Variants in ZFHX2 observed in about 807,000 individuals in gnomAD.
The protein encoded by ZFHX2 is zinc finger homeobox 2, also known as zinc finger homeobox protein 2.
A neutral mutation model predicts 164.8 loss-of-function variants in ZFHX2; 75 were observed. The observed-to-expected ratio is 0.46, with a 90% CI of 0.38 to 0.55. The LOEUF (loss-of-function observed/expected upper bound fraction) is 0.55. Among genes scored for constraint, ZFHX2 ranks in the 20% least tolerant of loss-of-function variants. The pLI is 0.00. For missense variants in ZFHX2, 2,933 were observed against 3,308.0 expected (o/e 0.89, Z 2.78); for synonymous variants, 1,217 against 1,351.4 (o/e 0.90, Z 2.18).
chr14:23,526,660 T>C lies in ZFHX2; in HGVS notation c.3282A>G (p.Pro1094=). 1 of 1,535,962 alleles carries C rather than the reference T, an allele frequency of 6.5e-7. No homozygotes were observed. The change falls in exon 9 of 10, where the codon CCA becomes CCG. Residue 1094 remains proline, a synonymous_variant. Transcript: ENST00000419474. ...DQAAEGPNLT[P]EASPDPLPEP... ...CAGGAAGAGGATCTGGACTGGCTTCTGGGGTCAGGTTAGGGCCTTCTAGGG... is the reference window on the plus strand; with the variant it reads ...CAGGAAGAGGATCTGGACTGGCTTCCGGGGTCAGGTTAGGGCCTTCTAGGG...
At position 23,523,146 on chromosome 14, in the gene ZFHX2, A is replaced by G. The variant is rs761021573; in HGVS notation, c.6739+57T>C. 19 of 1,405,050 alleles carry G rather than the reference A, an allele frequency of 1.4e-5. No homozygotes were observed. Among genetic ancestry groups the G allele is most frequent in the African/African-American group, 2.9e-5 (2 of 69,130 alleles). The allele number at this position is 1,405,050 out of a possible 1,614,324, so 87.0% of individuals were successfully genotyped here. A position where few individuals can be genotyped will look rare whatever the true frequency, so the allele number is the denominator to read the frequency against. On this transcript the variant is annotated intron_variant, in intron 9 of 9. Transcript: ENST00000419474. This position sits in a 1 kb window ranked among gnomAD's most constrained non-coding sequence, Gnocchi z 4.1. ...AGAATCAGGAAGGAAAAGGAAGGGC[A>G]TGTCATTAGAGGGGGATGTTCTCTG...
intron 1 of ZFHX2, among the ~76,000 whole-genome samples, chr14:23,539,362 C>T (rs1880540253): frequency 6.6e-6 from 1 of 152,138 alleles, no homozygotes; most frequent in African/African-American, 2.4e-5. Context: ...AATTACTGAG[C>T]TGCAAATGTT....
In ZFHX2 at chr14:23,546,877, G is replaced by A. The variant is rs1881445943; in HGVS notation, c.-50+4466C>T. 6.6e-6 allele frequency among the ~76,000 whole-genome samples: 1 copy of A among 151,990 alleles called. No homozygotes were observed. Among genetic ancestry groups the A allele is most frequent in the African/African-American group, 2.4e-5 (1 of 41,362 alleles). ...CCACTGTCCTTCCTTCAGGCCCCCC[G>A]CCCACCAGCCCCTTCTTTAGCTGCC... On this transcript the variant is annotated intron_variant, in intron 1 of 9. Transcript: ENST00000419474. This position sits in a 1 kb window ranked among gnomAD's most constrained non-coding sequence, Gnocchi z 4.7.
intron 1 of ZFHX2, among the ~76,000 whole-genome samples, chr14:23,541,557 G>A (rs1021935847): frequency 9.2e-5 from 14 of 152,146 alleles, no homozygotes; most frequent in African/African-American, 3.4e-4. Context: ...AAAGTGCTGG[G>A]ATTACAGGCC....
upstream of ZFHX2, among the ~76,000 whole-genome samples, chr14:23,554,879 G>A (rs1254155550): frequency 2.0e-5 from 3 of 152,312 alleles, no homozygotes; most frequent in Middle Eastern, 3.4e-3. Flanking sequence ...CAGACATATA[G>A]TTAGAGTCTC....
In ZFHX2 at chr14:23,524,864, T is replaced by C. The variant is rs1210651830; in HGVS notation, c.5078A>G (p.Tyr1693Cys). 5.2e-6 allele frequency: 8 copies of C among 1,536,522 alleles called. No individual in the cohort carries two copies. Among genetic ancestry groups the C allele is most frequent in the African/African-American group, 1.4e-5 (1 of 73,036 alleles). ...CTCCTCTTCAAGGGTCTGGTCATCA[T>C]AGCACTTCTTGAGGTGGCGCACCAA... Reference protein sequence around the residue: ...FELVRHLKKCYDDQTLEEEEE... With the variant: ...FELVRHLKKCCDDQTLEEEEE... Residue 1693 changes from tyrosine to cysteine, a missense_variant, in exon 9 of 10, where the codon TAT becomes TGT. Tyr to Cys is a radical substitution (Grantham distance 194). Transcript: ENST00000419474. The surrounding 1 kb of genome is among the most constrained non-coding windows in gnomAD (Gnocchi z 5.6).
Position 23,522,072 on chromosome 14 carries a change from C to T in ZFHX2, c.7609G>A (p.Ala2537Thr), listed in dbSNP as rs1205118758. The change falls in exon 10 of 10, where the codon GCC becomes ACC. Residue 2537 changes from alanine to threonine, a missense_variant. Physicochemically the swap from Ala to Thr is moderately conservative, Grantham distance 58 (BLOSUM62 0). Transcript: ENST00000419474. ...QGGPPISITN[A>T]ATAASAAVAF... Reference sequence around the variant, plus strand: ...ACAGCAGCCGAGGCAGCAGTGGCGGCGTTGGTGATGGAGATGGGTGGGCCC... The same window carrying T: ...ACAGCAGCCGAGGCAGCAGTGGCGGTGTTGGTGATGGAGATGGGTGGGCCC... 17 of 1,536,150 alleles carry T rather than the reference C, an allele frequency of 1.1e-5. No individual in the cohort carries two copies. Among genetic ancestry groups the T allele is most frequent in the African/African-American group, 5.5e-5 (4 of 73,058 alleles).
At position 23,532,889 on chromosome 14, in the gene ZFHX2, G is replaced by T; in HGVS notation, c.2237C>A (p.Pro746Gln). The change falls in exon 3 of 10, where the codon CCG becomes CAG. Residue 746 changes from proline (P) to glutamine (Q), a missense_variant. Transcript: ENST00000419474. The stretch of plus-strand genomic sequence containing the variant: ...AGCCACCTCCTTCCATTCAGCTTCC[G>T]GGAGGCTCCGGCCTATGCTGCAGTG... ...LYHCSIGRSL[P>Q]EAEWKEVAGD... 6.5e-7 allele frequency: 1 copy of T among 1,536,224 alleles called. No homozygotes were observed. The highest frequency in any genetic ancestry group is 8.7e-7 in the Non-Finnish European group (1 of 1,146,924).
chr14:23,523,470 A>G lies in ZFHX2; in HGVS notation c.6472T>C (p.Tyr2158His). Residue 2158 changes from tyrosine to histidine, a missense_variant, in exon 9 of 10, where the codon TAT becomes CAT. By Grantham distance (83) the Tyr-to-His change is moderately conservative. Transcript: ENST00000419474. This position sits in a 1 kb window ranked among gnomAD's most constrained non-coding sequence, Gnocchi z 4.1. ...AAGAGATGGCCTCGGCAGGAGACAT[A>G]GAAATCATACTTGACATCACAATAG... is the stretch of plus-strand genomic sequence containing the variant. The part of the protein sequence containing the change: ...CPYCDVKYDF[Y>H]VSCRGHLFSR... 6.5e-7 allele frequency: 1 copy of G among 1,536,194 alleles called. No homozygotes were observed. The highest frequency in any genetic ancestry group is 2.4e-5 in the East Asian group (1 of 40,910).
Position 23,522,372 on chromosome 14 carries a change from T to TCAG in ZFHX2, c.7306_7308dup (p.Leu2436dup). 1 of 1,536,198 alleles carries TCAG rather than the reference T, an allele frequency of 6.5e-7. No individual in the cohort carries two copies. Among genetic ancestry groups the TCAG allele is most frequent in the Middle Eastern group, 1.7e-4 (1 of 5,990 alleles). On this transcript the variant is annotated inframe_insertion, in exon 10 of 10. Coordinates refer to ENST00000419474, the MANE Select transcript of ZFHX2 (RefSeq NM_033400.3). ...ACGGTGGAGATGCCAGTGCTGCCTG[T>TCAG]CAGCAGCTCATCAACCTCACCAGCT...
Position 23,521,100 on chromosome 14 carries a change from C to T in ZFHX2, c.*862G>A, listed in dbSNP as rs1279449428. The T allele has an allele frequency of 1.3e-5, 2 of 152,078 alleles. No individual in the cohort carries two copies. The highest frequency in any genetic ancestry group is 2.1e-4 in the South Asian group (1 of 4,826). 9.4% of individuals were successfully genotyped at this position (152,078 alleles called of 1,614,324 possible). ...TGGCAGGGCTAGGACAAGGGGCAGG[C>T]CCACGGCCGCTGAGAGGATCTCTGT... On this transcript the variant is annotated 3_prime_UTR_variant, in exon 10 of 10. Transcript: ENST00000419474.
intron 1 of ZFHX2, among the ~76,000 whole-genome samples, chr14:23,545,478 A>G (rs759957705): frequency 6.6e-6 from 1 of 151,974 alleles, no homozygotes; most frequent in Non-Finnish European, 1.5e-5. Flanking sequence ...GCTCTCTCCC[A>G]TCTCCAAGTC....
chr14:23,546,333 C>T lies in ZFHX2; in HGVS notation c.-50+5010G>A, dbSNP rs1421123713. Among the ~76,000 whole-genome samples, 3 of 152,172 alleles carry T rather than the reference C, an allele frequency of 2.0e-5. No individual in the cohort carries two copies. The highest frequency in any genetic ancestry group is 7.2e-5 in the African/African-American group (3 of 41,440). ...CAAATACAGAAAGAGGGCTCCTGTTCTCTCATTAGACTTTGGGGTAAAAAA... is the reference window on the plus strand; with the variant it reads ...CAAATACAGAAAGAGGGCTCCTGTTTTCTCATTAGACTTTGGGGTAAAAAA... On this transcript the variant is annotated intron_variant, in intron 1 of 9. Coordinates refer to ENST00000419474, the MANE Select transcript of ZFHX2 (RefSeq NM_033400.3). This position sits in a 1 kb window ranked among gnomAD's most constrained non-coding sequence, Gnocchi z 4.7.
Position 23,525,223 on chromosome 14 carries a change from T to TC in ZFHX2, c.4718dup (p.His1574ThrfsTer42). On this transcript the variant is annotated frameshift_variant, in exon 9 of 10. Coordinates refer to ENST00000419474, the MANE Select transcript of ZFHX2 (RefSeq NM_033400.3). LOFTEE classifies it high-confidence loss of function. The surrounding 1 kb of genome is among the most constrained non-coding windows in gnomAD (Gnocchi z 5.9). ...TTTCTTCCTCTTCTATGGGCCAGTG[T>TC]CCCCCTGCTCGACTTCGCTCTTCAG... is the stretch of plus-strand genomic sequence containing the variant. 1.3e-6 allele frequency: 2 copies of TC among 1,536,006 alleles called. No homozygotes were observed. Among genetic ancestry groups the TC allele is most frequent in the Non-Finnish European group, 1.7e-6 (2 of 1,146,878 alleles).
chr14:23,529,897 G>C (rs17794459), intron 5 of ZFHX2, 129 bp from the exon 6 acceptor site: 31,366 of 1,043,108 alleles, frequency 0.03, 588 homozygotes, highest in Non-Finnish European at 0.037. Context: ...GGTGAGGCTT[G>C]GCAAGGGCTG....
In ZFHX2 at chr14:23,534,350, G is replaced by C. The variant is rs1426148885; in HGVS notation, c.976C>G (p.Pro326Ala). 43 of 1,536,588 alleles carry C rather than the reference G, an allele frequency of 2.8e-5. No homozygotes were observed. The highest frequency in any genetic ancestry group is 3.6e-5 in the Non-Finnish European group (41 of 1,147,026). The change falls in exon 2 of 10, where the codon CCT becomes GCT. Residue 326 changes from proline (P) to alanine (A), a missense_variant. By Grantham distance (27) the Pro-to-Ala change is conservative. Transcript: ENST00000419474. The surrounding 1 kb of genome is among the most constrained non-coding windows in gnomAD (Gnocchi z 4.5). ...ANVAQTEDGP[P>A]EAEVQALILL... ...ATAAGGGCCTGGACTTCTGCCTCAG[G>C]GGGGCCATCCTCTGTCTGGGCCACA...
chr14:23,522,677 G>C lies in ZFHX2; in HGVS notation c.7004C>G (p.Thr2335Ser). 1 of 1,536,568 alleles carries C rather than the reference G, an allele frequency of 6.5e-7. No individual in the cohort carries two copies. ...DALKNLKALK[T>S]TVPALLGGQF... Reference sequence around the variant, plus strand: ...GCCCCCCAACAGGGCTGGGACAGTGGTCTTCAATGCTTTGAGGTTCTTGAG... The same window carrying C: ...GCCCCCCAACAGGGCTGGGACAGTGCTCTTCAATGCTTTGAGGTTCTTGAG... The change falls in exon 10 of 10, where the codon ACC becomes AGC. Residue 2335 changes from threonine to serine, a missense_variant. Thr to Ser is a moderately conservative substitution (Grantham distance 58). Transcript: ENST00000419474.
At chr14:23,530,256 G>A (rs1262293888) in intron 4 of ZFHX2, 62 bp from the exon 5 acceptor site, 7 of 1,275,280 alleles carry the variant, frequency 5.5e-6, no homozygotes, top group Non-Finnish European at 6.6e-6. Context: ...GGAGGACATA[G>A]GACAGAGGAA....
chr14:23,537,126 C>T (rs1880248657), intron 1 of ZFHX2, among the ~76,000 whole-genome samples: 1 of 152,054 alleles, frequency 6.6e-6, no homozygotes, highest in African/African-American at 2.4e-5. Flanking sequence ...CGTACTTCAG[C>T]CTGGGCAACA....
Sources: allele counts gnomAD v4.1 joint callset (sites outside exome capture counted in the v4.1 genomes callset), GRCh38; gene constraint gnomAD v4.1.1; non-coding constraint Gnocchi (gnomAD v3.1); transcripts MANE v1.5; gene names NCBI Gene and HGNC (gene_info 2026-07-23, HGNC 2026-07-21).